SNCAIP: variants seen among roughly 807,000 people sequenced by gnomAD.
The protein encoded by SNCAIP is synphilin-1.
A neutral mutation model predicts 86.7 loss-of-function variants in SNCAIP; 43 were observed. The ratio of observed to expected loss-of-function variants is 0.50; its 90% confidence interval spans 0.39 to 0.64. The LOEUF is 0.64. Among genes scored for constraint, SNCAIP ranks in the 30% least tolerant of loss-of-function variants. The pLI is 0.00. For missense variants in SNCAIP, 981 were observed against 1,103.1 expected (o/e 0.89, Z 1.57); for synonymous variants, 417 against 427.2 (o/e 0.98, Z 0.29).
intron 1 of SNCAIP, among the ~76,000 whole-genome samples, chr5:122,376,635 T>C (rs1044331235): frequency 3.9e-5 from 6 of 152,228 alleles, no homozygotes; most frequent in African/African-American, 1.2e-4. Context: ...ACAAATCATA[T>C]GTTCACTGAA....
chr5:122,347,894 T>A (rs1561553184), intron 1 of SNCAIP, among the ~76,000 whole-genome samples: 5 of 152,172 alleles, frequency 3.3e-5, no homozygotes, highest in South Asian at 4.2e-4. Flanking sequence ...ATTTTCTTTT[T>A]AAAAAAAATA....
chr5:122,325,547 G>A (rs547910121), intron 1 of SNCAIP, among the ~76,000 whole-genome samples: 5 of 152,136 alleles, frequency 3.3e-5, no homozygotes, highest in Non-Finnish European at 4.4e-5. Context: ...CTTGGCCACA[G>A]CTTTGCAAAT....
intron 1 of SNCAIP, among the ~76,000 whole-genome samples, chr5:122,339,538 C>T (rs1757146830): frequency 6.6e-6 from 1 of 152,084 alleles, no homozygotes; most frequent in South Asian, 2.1e-4. Flanking sequence ...TTTCATTTGG[C>T]ATATTGTCTT....
At position 122,450,827 on chromosome 5, in the gene SNCAIP, G is replaced by A; in HGVS notation, c.1980G>A (p.Arg660=). 1 of 1,614,134 alleles carries A rather than the reference G, an allele frequency of 6.2e-7. No homozygotes were observed. ...RNSKKIPLEK[R]ELKLARLRQL... Reference sequence around the variant, plus strand: ...CTAAAAAGATCCCACTGGAGAAGAGGGAACTGAAGTTAGCCAGGCTGAGAC... The same window carrying A: ...CTAAAAAGATCCCACTGGAGAAGAGAGAACTGAAGTTAGCCAGGCTGAGAC... Residue 660 remains arginine, a synonymous_variant, in exon 10 of 11, where the codon AGG becomes AGA. Coordinates refer to ENST00000261368, the MANE Select transcript of SNCAIP (RefSeq NM_005460.4).
intron 10 of SNCAIP, among the ~76,000 whole-genome samples, chr5:122,455,842 C>A (rs1467451022): frequency 6.6e-6 from 1 of 152,162 alleles, no homozygotes; most frequent in Non-Finnish European, 1.5e-5. Flanking sequence ...AGATTCAACT[C>A]TATTCCTTTG....
In SNCAIP at chr5:122,451,511, A is replaced by G; in HGVS notation, c.2664A>G (p.Lys888=). 4.3e-6 allele frequency: 7 copies of G among 1,613,868 alleles called. No homozygotes were observed. Among genetic ancestry groups the G allele is most frequent in the Non-Finnish European group, 5.9e-6 (7 of 1,180,012 alleles). The change falls in exon 10 of 11, where the codon AAA becomes AAG. Residue 888 remains lysine (K), a synonymous_variant. Coordinates refer to ENST00000261368, the MANE Select transcript of SNCAIP (RefSeq NM_005460.4). ...ACTACCAGGCAGCCAACCAGCTGAA[A>G]ACCTCTACATTGCCCTTGACCTCAC... The part of the protein sequence containing the change: ...NNNYQAANQL[K]TSTLPLTSLG...
At chr5:122,410,078 T>C (rs756842195) in intron 3 of SNCAIP, among the ~76,000 whole-genome samples, 6 of 152,128 alleles carry the variant, frequency 3.9e-5, no homozygotes, top group Non-Finnish European at 7.4e-5. Context: ...AGAGTAAAAA[T>C]TTACAGATAA....
At chr5:122,407,946 C>T (rs533948307) in intron 3 of SNCAIP, among the ~76,000 whole-genome samples, 3 of 152,236 alleles carry the variant, frequency 2.0e-5, no homozygotes, top group African/African-American at 7.2e-5. Context: ...AGTCAGTGTT[C>T]GTTGAATTTC....
At chr5:122,375,373 C>T (rs1029767200) in intron 1 of SNCAIP, among the ~76,000 whole-genome samples, 1 of 151,274 alleles carries the variant, frequency 6.6e-6, no homozygotes, top group Non-Finnish European at 1.5e-5. Context: ...TGGGTTAGCT[C>T]TTTGGACTGC....
At chr5:122,410,412 C>A (rs1773879061) in intron 3 of SNCAIP, among the ~76,000 whole-genome samples, 1 of 152,156 alleles carries the variant, frequency 6.6e-6, no homozygotes, top group African/African-American at 2.4e-5. Context: ...CCTTTAACCC[C>A]TTTTAACTTA....
intron 3 of SNCAIP, among the ~76,000 whole-genome samples, chr5:122,415,888 C>T (rs527447007): frequency 1.6e-4 from 24 of 152,276 alleles, no homozygotes; most frequent in Admixed American, 7.8e-4. Context: ...CTGGAATGAA[C>T]ACAAAACTTA....
rs1787060873 is a variant in SNCAIP, at chr5:122,463,867, T to A, written c.*371T>A. 8.9e-6 allele frequency: 2 copies of A among 225,974 alleles called. No homozygotes were observed. The highest frequency in any genetic ancestry group is 1.7e-5 in the Non-Finnish European group (2 of 115,784). The allele number at this position is 225,974 out of a possible 1,614,324, so 14.0% of individuals were successfully genotyped here. On this transcript the variant is annotated 3_prime_UTR_variant, in exon 11 of 11. Coordinates refer to ENST00000261368, the MANE Select transcript of SNCAIP (RefSeq NM_005460.4). The stretch of plus-strand genomic sequence containing the variant: ...CACAGGACATTCACCAAGCCACTGA[T>A]ACCATTTTATATTTCATCAATTGCA...
chr5:122,367,713 C>T (rs952553340), intron 1 of SNCAIP, among the ~76,000 whole-genome samples: 1 of 152,014 alleles, frequency 6.6e-6, no homozygotes, highest in Non-Finnish European at 1.5e-5. Flanking sequence ...AGCACTTTCC[C>T]GTTTCAAGCA....
In SNCAIP at chr5:122,449,972, G is replaced by A. The variant is rs1397993588; in HGVS notation, c.1685+35G>A. 3 of 1,409,110 alleles carry A rather than the reference G, an allele frequency of 2.1e-6. No individual in the cohort carries two copies. In the African/African-American group the frequency reaches 4.2e-5, roughly 20 times the overall value. 87.3% of individuals were successfully genotyped at this position (1,409,110 alleles called of 1,614,324 possible). A position where few individuals can be genotyped will look rare whatever the true frequency, so the allele number is the denominator to read the frequency against. ...GCACATTGTTGTTTAGCATTCTTAA[G>A]TATCCTAAATTGTTAAGCCTTCTTC... On this transcript the variant is annotated intron_variant, in intron 9 of 10. Coordinates refer to ENST00000261368, the MANE Select transcript of SNCAIP (RefSeq NM_005460.4).
In SNCAIP at chr5:122,423,372, C is replaced by T. The variant is rs1162463758; in HGVS notation, c.635C>T (p.Pro212Leu). The change falls in exon 4 of 11, where the codon CCC becomes CTC. Residue 212 changes from proline (P) to leucine (L), a missense_variant. Transcript: ENST00000261368. ...ATGGCACCATTTTGTGTTCTTTCTC[C>T]CGTGAAAAGCCCTCACTTGAGAAAA... Reference protein sequence around the residue: ...SNMAPFCVLSPVKSPHLRKAS... With the variant: ...SNMAPFCVLSLVKSPHLRKAS... 4 of 1,613,594 alleles carry T rather than the reference C, an allele frequency of 2.5e-6. No individual in the cohort carries two copies. Among genetic ancestry groups the T allele is most frequent in the Non-Finnish European group, 3.4e-6 (4 of 1,179,676 alleles).
At chr5:122,375,334 TG>T (rs1169348301) in intron 1 of SNCAIP, among the ~76,000 whole-genome samples, 1 of 152,154 alleles carries the variant, frequency 6.6e-6, no homozygotes, top group Non-Finnish European at 1.5e-5. Flanking sequence ...TAAAAATATA[TG>T]GCTGGGTTTT....
chr5:122,341,573 T>A (rs1332683081), intron 1 of SNCAIP, among the ~76,000 whole-genome samples: 7 of 152,206 alleles, frequency 4.6e-5, no homozygotes, highest in Non-Finnish European at 1.0e-4. Context: ...AATCCCAGGC[T>A]TTAAATGAAC....
chr5:122,345,727 C>T (rs1222789607), intron 1 of SNCAIP, among the ~76,000 whole-genome samples: 1 of 152,110 alleles, frequency 6.6e-6, no homozygotes, highest in Non-Finnish European at 1.5e-5. Context: ...ACAACACAGT[C>T]ATGGTTCACT....
intron 1 of SNCAIP, among the ~76,000 whole-genome samples, chr5:122,385,210 C>G (rs1054950912): frequency 3.9e-5 from 6 of 152,178 alleles, no homozygotes; most frequent in African/African-American, 1.4e-4. Context: ...TCCCCTGGTA[C>G]CATATACTCC....
Sources: gnomAD v4.1 joint callset for allele counts (sites outside exome capture counted in the v4.1 genomes callset) on GRCh38, gnomAD v4.1.1 for gene constraint, MANE v1.5 for transcripts, NCBI Gene and HGNC (gene_info 2026-07-23, HGNC 2026-07-21) for gene names.